The following CCSER1 variants were observed in gnomAD, a reference collection of about 807,000 sequenced individuals.
CCSER1 encodes serine-rich coiled-coil domain-containing protein 1.
A neutral mutation model predicts 82.0 loss-of-function variants in CCSER1; 41 were observed. The observed-to-expected ratio is 0.50, with a 90% CI of 0.39 to 0.65. The LOEUF is 0.65. Ranked by LOEUF, CCSER1 falls within the 30% of genes least tolerant of loss-of-function variation. The probability of loss-of-function intolerance (pLI) is 0.00; values close to 1 mark genes in which losing one functional copy is unlikely to be tolerated. For missense variants in CCSER1, 1,119 were observed against 1,064.2 expected, an observed-to-expected ratio of 1.05 and a Z score of -0.72; for synonymous variants, 414 against 383.9, an observed-to-expected ratio of 1.08 and a Z score of -0.92.
At chr4:91,021,747 A>G (rs1314787147) in intron 9 of CCSER1, among the ~76,000 whole-genome samples, 3 of 152,198 alleles carry the variant, frequency 2.0e-5, no homozygotes, top group African/African-American at 7.2e-5. Flanking sequence ...TTAACCACGA[A>G]TTAATCATAC....
chr4:91,381,251 C>T (rs1407364440), intron 10 of CCSER1, among the ~76,000 whole-genome samples: 5 of 152,042 alleles, frequency 3.3e-5, no homozygotes, highest in Admixed American at 3.3e-4. Context: ...CGAGGAGTAT[C>T]TTTGTGGCAT....
intron 10 of CCSER1, among the ~76,000 whole-genome samples, chr4:91,279,992 A>G (rs72877066): frequency 0.021 from 3,128 of 152,254 alleles, 112 homozygotes; most frequent in African/African-American, 0.072. Context: ...TATAGTCTCT[A>G]TATGATTTAT....
chr4:91,443,456 G>A (rs890286588), intron 10 of CCSER1, among the ~76,000 whole-genome samples: 2 of 142,502 alleles, frequency 1.4e-5, no homozygotes, highest in Non-Finnish European at 3.0e-5. Flanking sequence ...ATTGAACAAT[G>A]AGAACACATG....
At chr4:90,831,129 T>C (rs972747538) in intron 8 of CCSER1, among the ~76,000 whole-genome samples, 1 of 152,030 alleles carries the variant, frequency 6.6e-6, no homozygotes, top group Non-Finnish European at 1.5e-5. Flanking sequence ...CATACTAAGA[T>C]ATGCGTCAGT....
At chr4:91,150,142 T>C (rs1240637663) in intron 10 of CCSER1, among the ~76,000 whole-genome samples, 1 of 152,232 alleles carries the variant, frequency 6.6e-6, no homozygotes, top group Non-Finnish European at 1.5e-5. Context: ...GTTTGTATCC[T>C]CTTTTATTTC....
chr4:90,532,259 A>G (rs1404371205), intron 5 of CCSER1, among the ~76,000 whole-genome samples: 1 of 152,158 alleles, frequency 6.6e-6, no homozygotes, highest in African/African-American at 2.4e-5. Context: ...TTCCCAGGCA[A>G]GTGATTTCCG....
At chr4:90,329,435 A>G (rs756949684) in intron 3 of CCSER1, among the ~76,000 whole-genome samples, 2 of 152,198 alleles carry the variant, frequency 1.3e-5, no homozygotes, top group Admixed American at 6.5e-5. Context: ...TGAAAAACAA[A>G]TAGTATTGCC....
At chr4:90,428,977 A>T (rs1757896047) in intron 4 of CCSER1, among the ~76,000 whole-genome samples, 1 of 151,784 alleles carries the variant, frequency 6.6e-6, no homozygotes, top group Non-Finnish European at 1.5e-5. Flanking sequence ...TGAACAAAAT[A>T]TGACCTTTAG....
chr4:90,472,641 GT>G (rs1173120905), intron 5 of CCSER1, among the ~76,000 whole-genome samples: 1 of 152,148 alleles, frequency 6.6e-6, no homozygotes, highest in Non-Finnish European at 1.5e-5. Flanking sequence ...TCACTTCTGA[GT>G]TTAGTTTGGT....
intron 8 of CCSER1, among the ~76,000 whole-genome samples, chr4:90,899,726 T>A (rs2150143786): frequency 6.6e-6 from 1 of 152,146 alleles, no homozygotes; most frequent in Non-Finnish European, 1.5e-5. Context: ...TTTTTAAAAA[T>A]TTTGTTTATG....
chr4:90,660,153 C>G (rs993928411), intron 6 of CCSER1, among the ~76,000 whole-genome samples: 9 of 151,986 alleles, frequency 5.9e-5, no homozygotes, highest in African/African-American at 1.7e-4. Context: ...ATATAACTAC[C>G]ATTTGATCTA....
intron 7 of CCSER1, among the ~76,000 whole-genome samples, chr4:90,760,942 T>C (rs1198485063): frequency 6.6e-6 from 1 of 152,070 alleles, no homozygotes; most frequent in Non-Finnish European, 1.5e-5. Context: ...TAAGTTATAC[T>C]TAATCTATTC....
At chr4:90,544,515 G>A (rs1776510772) in intron 5 of CCSER1, among the ~76,000 whole-genome samples, 1 of 152,074 alleles carries the variant, frequency 6.6e-6, no homozygotes, top group African/African-American at 2.4e-5. Flanking sequence ...ATGATAATAT[G>A]GATGGAGTAT....
chr4:91,224,364 A>AT (rs143424315), intron 10 of CCSER1, among the ~76,000 whole-genome samples: 1 of 152,236 alleles, frequency 6.6e-6, no homozygotes, highest in East Asian at 1.9e-4. Context: ...TCCTTGTTTA[A>AT]TGTTCATTCT....
At chr4:91,476,072 G>T (rs1757577674) in intron 10 of CCSER1, among the ~76,000 whole-genome samples, 1 of 151,650 alleles carries the variant, frequency 6.6e-6, no homozygotes. Flanking sequence ...CCTTATCTTG[G>T]CTATTGTGAA....
intron 7 of CCSER1, among the ~76,000 whole-genome samples, chr4:90,749,241 CA>C (rs1165359623): frequency 1.7e-4 from 26 of 151,876 alleles, no homozygotes; most frequent in African/African-American, 6.3e-4. Flanking sequence ...GATCCAGTTT[CA>C]GCTTTCTACA....
At chr4:90,170,226 A>G (rs779734924) in intron 1 of CCSER1, among the ~76,000 whole-genome samples, 20 of 152,142 alleles carry the variant, frequency 1.3e-4, no homozygotes, top group Non-Finnish European at 2.8e-4. Context: ...AATTTGCCTC[A>G]TGCTATTGTT....
chr4:90,859,833 CGTT>C (rs1327150320), intron 8 of CCSER1, among the ~76,000 whole-genome samples: 1 of 151,522 alleles, frequency 6.6e-6, no homozygotes, highest in African/African-American at 2.4e-5. Context: ...GGATCTTTGC[CGTT>C]GTTGAATGAA....
At chr4:90,576,817 C>A (rs1203423486) in intron 5 of CCSER1, among the ~76,000 whole-genome samples, 1 of 152,086 alleles carries the variant, frequency 6.6e-6, no homozygotes, top group Non-Finnish European at 1.5e-5. Context: ...TTATAAATAA[C>A]GTTTCTATAA....
Sources: allele counts gnomAD v4.1 joint callset (sites outside exome capture counted in the v4.1 genomes callset), GRCh38; gene constraint gnomAD v4.1.1; transcripts MANE v1.5; gene names NCBI Gene and HGNC (gene_info 2026-07-23, HGNC 2026-07-21).